TMEM51: variants seen among roughly 807,000 people sequenced by gnomAD.
TMEM51 encodes chromosome 1 open reading frame 72.
In TMEM51, 8 loss-of-function variants were observed where a neutral mutation model predicts 13.6. That is an observed-to-expected ratio of 0.59 (90% CI 0.35 to 1.07). The LOEUF (loss-of-function observed/expected upper bound fraction) is 1.07, where lower values mean the gene tolerates loss of function less well. TMEM51 is among the 50% of genes least tolerant of loss of function. TMEM51 has a pLI of 0.02. For synonymous variants in TMEM51, 147 were observed against 144.4 expected (o/e 1.02, Z -0.13); for missense variants, 279 against 330.7 (o/e 0.84, Z 1.21).
chr1:15,193,571 C>CTTTTTTTT (rs1392623062), intron 1 of TMEM51, among the ~76,000 whole-genome samples: 8 of 80,606 alleles, frequency 9.9e-5, no homozygotes, highest in African/African-American at 1.1e-4. Context: ...TCTTTTCTTT[C>CTTTTTTTT]TTTCTTTTTT....
At chr1:15,216,222 A>G (rs1573455140) in intron 3 of TMEM51, among the ~76,000 whole-genome samples, 1 of 152,146 alleles carries the variant, frequency 6.6e-6, no homozygotes. Flanking sequence ...AATGGCTGGG[A>G]AGCAATTTTC....
intron 1 of TMEM51, chr1:15,192,325 T>G: frequency 2.7e-6 from 1 of 366,820 alleles, no homozygotes; most frequent in Non-Finnish European, 5.4e-6. Context: ...GTGGAATATC[T>G]TCATTATTTC....
chr1:15,179,224 T>C (rs536972133), intron 1 of TMEM51, among the ~76,000 whole-genome samples: 1 of 152,272 alleles, frequency 6.6e-6, no homozygotes, highest in South Asian at 2.1e-4. Context: ...TGGGTATTTA[T>C]AGAGAGAAAG....
intron 1 of TMEM51, among the ~76,000 whole-genome samples, chr1:15,202,611 T>G (rs7533078): frequency 6.6e-6 from 1 of 152,032 alleles, no homozygotes; most frequent in Non-Finnish European, 1.5e-5. Context: ...CCTGCTTCCA[T>G]GATTCCATCT....
chr1:15,167,351 A>AT (rs1388960474), intron 1 of TMEM51, among the ~76,000 whole-genome samples: 1 of 148,858 alleles, frequency 6.7e-6, no homozygotes, highest in African/African-American at 2.6e-5. Flanking sequence ...AAAAAAAAAA[A>AT]AAAAAGAATA....
chr1:15,170,390 C>T (rs114765012), intron 1 of TMEM51, among the ~76,000 whole-genome samples: 2,289 of 147,414 alleles, frequency 0.016, 70 homozygotes, highest in African/African-American at 0.053. Context: ...GTCACTGCAA[C>T]CTCCGCCTTC....
intron 1 of TMEM51, among the ~76,000 whole-genome samples, chr1:15,204,511 C>T (rs12125077): frequency 0.11 from 16,705 of 152,244 alleles, 1,203 homozygotes; most frequent in South Asian, 0.18. Flanking sequence ...GCCAAGATCG[C>T]GCCACTGCAC....
intron 3 of TMEM51, among the ~76,000 whole-genome samples, chr1:15,218,106 A>G (rs936734974): frequency 6.6e-6 from 1 of 152,250 alleles, no homozygotes; most frequent in Non-Finnish European, 1.5e-5. Context: ...AGTCCTGGAA[A>G]GTGGCTATTG....
chr1:15,180,714 C>T (rs1015600544), intron 1 of TMEM51, among the ~76,000 whole-genome samples: 4 of 152,126 alleles, frequency 2.6e-5, no homozygotes, highest in African/African-American at 4.8e-5. Context: ...AGACAGTGGC[C>T]GTACTTCTTC....
intron 1 of TMEM51, among the ~76,000 whole-genome samples, chr1:15,159,150 A>G (rs1642686274): frequency 6.6e-6 from 1 of 152,230 alleles, no homozygotes; most frequent in Non-Finnish European, 1.5e-5. Context: ...CTAAGGATAC[A>G]AAACATCCAC....
At chr1:15,181,422 G>A (rs997617797) in intron 1 of TMEM51, among the ~76,000 whole-genome samples, 1 of 152,182 alleles carries the variant, frequency 6.6e-6, no homozygotes, top group Admixed American at 6.5e-5. Flanking sequence ...AACAGGTGTA[G>A]CAAAAAGCCT....
intron 1 of TMEM51, among the ~76,000 whole-genome samples, chr1:15,160,204 T>C (rs543948238): frequency 6.6e-4 from 100 of 152,286 alleles, no homozygotes; most frequent in Non-Finnish European, 9.4e-4. Context: ...AACCCACAGG[T>C]TGGGCCTGTG....
intron 1 of TMEM51, among the ~76,000 whole-genome samples, chr1:15,199,096 T>C (rs1428679512): frequency 6.6e-6 from 1 of 151,754 alleles, no homozygotes; most frequent in Non-Finnish European, 1.5e-5. Flanking sequence ...ATGCTGGCTG[T>C]GAAGAAAGTC....
rs1557857874 is a variant in TMEM51, at chr1:15,211,834, C to CAA, written c.-194+1272_-194+1273insAA. Among the ~76,000 whole-genome samples, 502 of 132,842 alleles carry CAA rather than the reference C, an allele frequency of 3.8e-3. 17 individuals carry two copies. Among genetic ancestry groups the CAA allele is most frequent in the African/African-American group, 0.013 (472 of 36,010 alleles). The allele number at this position is 132,842 out of a possible 152,430, so 87.1% of individuals were successfully genotyped here. On this transcript the variant is annotated intron_variant, in intron 2 of 3. Coordinates refer to ENST00000376008, the MANE Select transcript of TMEM51 (RefSeq NM_001136218.2). ...GTCTGAAAGGTGACCCCCCCCCCCCCCCCGGGATTTTTACATACGTGTGTA... is the reference window on the plus strand; with the variant it reads ...GTCTGAAAGGTGACCCCCCCCCCCCCAACCCGGGATTTTTACATACGTGTGTA...
rs763907226 is a variant in TMEM51 at position 15,215,305 on chromosome 1, G to T, written c.218G>T (p.Gly73Val). The change falls in exon 3 of 4, where the codon GGG becomes GTG. Residue 73 changes from glycine to valine, a missense_variant. Physicochemically the swap from Gly to Val is moderately radical, Grantham distance 109 (BLOSUM62 -3). Coordinates refer to ENST00000376008, the MANE Select transcript of TMEM51 (RefSeq NM_001136218.2). ...FSVAYVLVGAGVMLLLLSICL... is the reference protein window; with the variant it reads ...FSVAYVLVGAVVMLLLLSICL... The stretch of plus-strand genomic sequence containing the variant: ...GTGGCCTACGTGCTGGTCGGGGCCG[G>T]GGTGATGCTGCTGCTGCTTTCTATC... 6.2e-7 allele frequency: 1 copy of T among 1,614,178 alleles called. No homozygotes were observed. The highest frequency in any genetic ancestry group is 8.5e-7 in the Non-Finnish European group (1 of 1,180,046).
intron 1 of TMEM51, among the ~76,000 whole-genome samples, chr1:15,209,737 T>G (rs1407726241): frequency 5.9e-5 from 9 of 152,296 alleles, no homozygotes; most frequent in African/African-American, 1.9e-4. Flanking sequence ...ATGTGTTATC[T>G]TTTTAAAAAA....
chr1:15,177,155 C>T (rs1883758), intron 1 of TMEM51, among the ~76,000 whole-genome samples: 108,072 of 152,016 alleles, frequency 0.71, 40,288 homozygotes, highest in East Asian at 0.96. Context: ...AGGCCAGAGA[C>T]GCCAGATTTT....
intron 1 of TMEM51, among the ~76,000 whole-genome samples, chr1:15,159,366 GT>G (rs925309798): frequency 1.2e-4 from 19 of 152,212 alleles, no homozygotes; most frequent in African/African-American, 4.6e-4. Context: ...CAAAACACAC[GT>G]TCACGGTGCA....
chr1:15,203,273 A>G (rs537915948), intron 1 of TMEM51, among the ~76,000 whole-genome samples: 20 of 151,886 alleles, frequency 1.3e-4, no homozygotes, highest in African/African-American at 4.6e-4. Context: ...TTTGTTTTTG[A>G]GACAGAGTCT....
Sources: allele counts gnomAD v4.1 joint callset (sites outside exome capture counted in the v4.1 genomes callset), GRCh38; gene constraint gnomAD v4.1.1; transcripts MANE v1.5; gene names NCBI Gene and HGNC (gene_info 2026-07-23, HGNC 2026-07-21).